Variants in CDH26 observed in about 807,000 individuals in gnomAD.
CDH26 encodes cadherin 26.
Under a neutral mutation model 90.3 loss-of-function variants are expected in CDH26, and 83 were observed. That is an observed-to-expected ratio of 0.92 (90% CI 0.77 to 1.10). The LOEUF (loss-of-function observed/expected upper bound fraction) is 1.10. Among genes scored for constraint, CDH26 ranks in the 50% least tolerant of loss-of-function variants. The pLI is 0.00. For synonymous variants in CDH26, 397 were observed against 396.3 expected, an observed-to-expected ratio of 1.00 and a Z score of -0.02; for missense variants, 1,013 against 1,037.6, an observed-to-expected ratio of 0.98 and a Z score of 0.33.
At position 60,006,930 on chromosome 20, in the gene CDH26, G is replaced by C. The variant is rs958696556; in HGVS notation, c.2295+143G>C. On this transcript the variant is annotated intron_variant, in intron 17 of 17. Coordinates refer to ENST00000348616, the MANE Select transcript of CDH26 (RefSeq NM_177980.4). ...CATAATAAAATACCATAGCCTGACT[G>C]GTGGCTTAAATAACAGAAATATATT... 10 of 634,968 alleles carry C rather than the reference G, an allele frequency of 1.6e-5. No homozygotes were observed. The Admixed American group carries it at 1.9e-4, about 12-fold the overall frequency. 39.3% of individuals were successfully genotyped at this position (634,968 alleles called of 1,614,324 possible).
chr20:60,014,359 G>A lies in CDH26; in HGVS notation c.*1629G>A, dbSNP rs755714332. On this transcript the variant is annotated 3_prime_UTR_variant, in exon 18 of 18. Coordinates refer to ENST00000348616, the MANE Select transcript of CDH26 (RefSeq NM_177980.4). ...AACTATGTATTATTGTTAACTATAGGCAACATATAATGGTATAGAGTGCTA... is the reference window on the plus strand; with the variant it reads ...AACTATGTATTATTGTTAACTATAGACAACATATAATGGTATAGAGTGCTA... The A allele has an allele frequency of 3.3e-5, 5 of 151,988 alleles. No individual in the cohort carries two copies. Among genetic ancestry groups the A allele is most frequent in the Non-Finnish European group, 5.9e-5 (4 of 68,016 alleles). The allele number at this position is 151,988 out of a possible 1,614,324, so 9.4% of individuals were successfully genotyped here.
intron 1 of CDH26, among the ~76,000 whole-genome samples, chr20:59,966,160 C>T (rs960183104): frequency 2.0e-5 from 3 of 147,588 alleles, no homozygotes; most frequent in Admixed American, 6.9e-5. Flanking sequence ...ATCAAGGAAC[C>T]GTATATCAGA....
chr20:60,034,903 G>A (rs1345818260), downstream of CDH26, among the ~76,000 whole-genome samples: 1 of 152,176 alleles, frequency 6.6e-6, no homozygotes. Flanking sequence ...GCCTGACAAG[G>A]ACAGGACCAA....
intron 17 of CDH26, among the ~76,000 whole-genome samples, chr20:60,008,156 A>C (rs922515879): frequency 1.6e-4 from 25 of 152,180 alleles, no homozygotes; most frequent in African/African-American, 5.8e-4. Flanking sequence ...AGGCCTATGG[A>C]ATGATAAGCA....
At position 60,013,994 on chromosome 20, in the gene CDH26, G is replaced by A. The variant is rs1248516192; in HGVS notation, c.*1264G>A. On this transcript the variant is annotated 3_prime_UTR_variant, in exon 18 of 18. Transcript: ENST00000348616. ...AGAGGACAGTCTAGGGCATTTTCTGGGTAATTCAGGATAAAAGTATTTTTT... is the reference window on the plus strand; with the variant it reads ...AGAGGACAGTCTAGGGCATTTTCTGAGTAATTCAGGATAAAAGTATTTTTT... 6.8e-6 allele frequency: 1 copy of A among 146,534 alleles called. No homozygotes were observed. The highest frequency in any genetic ancestry group is 7.1e-5 in the Admixed American group (1 of 14,024). The allele number at this position is 146,534 out of a possible 1,614,324, so 9.1% of individuals were successfully genotyped here.
intron 13 of CDH26, among the ~76,000 whole-genome samples, chr20:59,998,608 A>G (rs2061633193): frequency 1.3e-5 from 2 of 152,188 alleles, no homozygotes; most frequent in South Asian, 2.1e-4. Flanking sequence ...TTTCCCATTC[A>G]CAGCTAAAGG....
intron 4 of CDH26, among the ~76,000 whole-genome samples, chr20:59,982,619 A>G (rs1303350211): frequency 1.3e-5 from 2 of 152,250 alleles, no homozygotes; most frequent in South Asian, 2.1e-4. Context: ...ACGGAGGCTC[A>G]CTAGCAACTT....
At chr20:59,991,510 C>T (rs2061527663) in intron 9 of CDH26, among the ~76,000 whole-genome samples, 1 of 152,178 alleles carries the variant, frequency 6.6e-6, no homozygotes, top group Non-Finnish European at 1.5e-5. Flanking sequence ...CGTTTGTAAA[C>T]ATTGCAAAAT....
intron 1 of CDH26, among the ~76,000 whole-genome samples, chr20:59,963,924 T>C (rs1418799034): frequency 6.6e-6 from 1 of 151,854 alleles, no homozygotes; most frequent in Non-Finnish European, 1.5e-5. Flanking sequence ...TCCTCCATGG[T>C]CTTTCAAGCC....
intron 5 of CDH26, among the ~76,000 whole-genome samples, chr20:59,984,348 A>G (rs1246754909): frequency 6.6e-6 from 1 of 152,180 alleles, no homozygotes; most frequent in Non-Finnish European, 1.5e-5. Context: ...TTCCTGCTTT[A>G]TCATTTTCTT....
intron 8 of CDH26, among the ~76,000 whole-genome samples, chr20:60,032,470 C>T (rs2062047263): frequency 6.6e-6 from 1 of 152,172 alleles, no homozygotes; most frequent in Admixed American, 6.5e-5. Context: ...AAACTCAAAA[C>T]TCATTTAGAT....
Position 60,012,703 on chromosome 20 carries a change from A to G in CDH26, c.2472A>G (p.Ile824Met), listed in dbSNP as rs771792347. 1 of 1,613,964 alleles carries G rather than the reference A, an allele frequency of 6.2e-7. No individual in the cohort carries two copies. Among genetic ancestry groups the G allele is most frequent in the Non-Finnish European group, 8.5e-7 (1 of 1,179,988 alleles). Reference sequence around the variant, plus strand: ...CAAAAGCGACTCCGTTTGAGGAAATATATTCAGAGTCAGGTGTTCCTTCCT... The same window carrying G: ...CAAAAGCGACTCCGTTTGAGGAAATGTATTCAGAGTCAGGTGTTCCTTCCT... ...LGSKATPFEE[I>M]YSESGVPS Residue 824 changes from isoleucine (I) to methionine (M), a missense_variant, in exon 18 of 18, where the codon ATA becomes ATG. Physicochemically the swap from Ile to Met is conservative, Grantham distance 10. Transcript: ENST00000348616.
chr20:59,972,058 G>T lies in CDH26; in HGVS notation c.328G>T (p.Asp110Tyr). ...YPEIGLFSLE[D>Y]HENGRIYVHR... ...AGAGATTGGTTTGTTTTCTCTAGAA[G>T]ATCATGAGAACGGAAGGATATATGT... The change falls in exon 4 of 18, where the codon GAT becomes TAT. Residue 110 changes from aspartate (D) to tyrosine (Y), a missense_variant. Physicochemically the swap from Asp to Tyr is radical, Grantham distance 160. Transcript: ENST00000348616. 6.2e-7 allele frequency: 1 copy of T among 1,613,980 alleles called. No homozygotes were observed. The highest frequency in any genetic ancestry group is 8.5e-7 in the Non-Finnish European group (1 of 1,179,856).
intron 4 of CDH26, among the ~76,000 whole-genome samples, chr20:59,982,494 A>G (rs1003857260): frequency 6.6e-5 from 10 of 152,230 alleles, no homozygotes; most frequent in South Asian, 4.1e-4. Flanking sequence ...TAGCTGTGCT[A>G]GTTACTATAA....
downstream of CDH26, among the ~76,000 whole-genome samples, chr20:60,015,684 A>G (rs115614280): frequency 6.6e-6 from 1 of 152,160 alleles, no homozygotes; most frequent in East Asian, 1.9e-4. Flanking sequence ...GGTCTTACTC[A>G]TAAGTTTTTT....
intron 7 of CDH26, among the ~76,000 whole-genome samples, chr20:60,023,472 AT>A (rs2061974192): frequency 6.6e-6 from 1 of 152,200 alleles, no homozygotes; most frequent in African/African-American, 2.4e-5. Context: ...GAAACAAAGC[AT>A]TTGATAAAAA....
At chr20:59,986,947 G>C (rs1045859350) in intron 7 of CDH26, among the ~76,000 whole-genome samples, 1 of 151,676 alleles carries the variant, frequency 6.6e-6, no homozygotes, top group Non-Finnish European at 1.5e-5. Context: ...AATATGGCTG[G>C]AAAAAAAATA....
chr20:60,028,429 TGTA>T (rs2062015322), intron 7 of CDH26, among the ~76,000 whole-genome samples: 1 of 152,180 alleles, frequency 6.6e-6, no homozygotes, highest in African/African-American at 2.4e-5. Flanking sequence ...GGGCCTGACA[TGTA>T]GTAGGCACTC....
chr20:59,967,878 T>TCTCTCTCTCTCTC (rs1421744084), intron 1 of CDH26, among the ~76,000 whole-genome samples: 1 of 101,426 alleles, frequency 9.9e-6, no homozygotes, highest in African/African-American at 7.1e-5. Context: ...TCTTTCTTTC[T>TCTCTCTCTCTCTC]TCCTTCCTTC....
Sources: allele counts gnomAD v4.1 joint callset (sites outside exome capture counted in the v4.1 genomes callset), GRCh38; gene constraint gnomAD v4.1.1; transcripts MANE v1.5; gene names NCBI Gene and HGNC (gene_info 2026-07-23, HGNC 2026-07-21).